NR3C2: variants seen among roughly 807,000 people sequenced by gnomAD.
NR3C2 encodes the protein mineralocorticoid receptor.
Under a neutral mutation model 86.4 loss-of-function variants are expected in NR3C2, and 15 were observed. The observed-to-expected ratio is 0.17, with a 90% CI of 0.12 to 0.27. The LOEUF (loss-of-function observed/expected upper bound fraction) is 0.27. NR3C2 is among the 10% of genes least tolerant of loss of function. The pLI is 1.00. For synonymous variants in NR3C2, 458 were observed against 450.5 expected, an observed-to-expected ratio of 1.02 and a Z score of -0.21; for missense variants, 960 against 1,195.6, an observed-to-expected ratio of 0.80 and a Z score of 2.91.
intron 2 of NR3C2, among the ~76,000 whole-genome samples, chr4:148,338,668 G>A (rs1313453811): frequency 6.6e-6 from 1 of 152,120 alleles, no homozygotes; most frequent in Non-Finnish European, 1.5e-5. Context: ...ATAGGGAATG[G>A]GGTGAATGCA....
chr4:148,202,262 CCCA>C, intron 3 of NR3C2, among the ~76,000 whole-genome samples: 1 of 152,210 alleles, frequency 6.6e-6, no homozygotes, highest in East Asian at 1.9e-4. Flanking sequence ...AACACCTCTG[CCCA>C]CCCTTGATCT....
intron 7 of NR3C2, among the ~76,000 whole-genome samples, chr4:148,115,465 T>G (rs542484786): frequency 6.6e-6 from 1 of 152,228 alleles, no homozygotes; most frequent in Non-Finnish European, 1.5e-5. Context: ...GATATTAACA[T>G]TCTGATTTTG....
At chr4:148,175,238 A>G (rs771280347) in intron 4 of NR3C2, among the ~76,000 whole-genome samples, 7 of 152,226 alleles carry the variant, frequency 4.6e-5, no homozygotes. Flanking sequence ...TTCTTATCCT[A>G]AGAAGAATGC....
At chr4:148,228,190 C>A in intron 3 of NR3C2, among the ~76,000 whole-genome samples, 1 of 152,156 alleles carries the variant, frequency 6.6e-6, no homozygotes, top group East Asian at 1.9e-4. Flanking sequence ...TAGCTCCTGG[C>A]TGATCTTCCC....
intron 4 of NR3C2, among the ~76,000 whole-genome samples, chr4:148,161,607 T>C (rs1326659701): frequency 6.6e-6 from 1 of 152,166 alleles, no homozygotes; most frequent in Non-Finnish European, 1.5e-5. Flanking sequence ...CCGTCTGCCT[T>C]GGCCTCATAT....
chr4:148,306,743 G>T (rs535888091), intron 2 of NR3C2, among the ~76,000 whole-genome samples: 5 of 152,160 alleles, frequency 3.3e-5, no homozygotes, highest in African/African-American at 1.2e-4. Flanking sequence ...CTAACAGATG[G>T]TTTCCAAACA....
At chr4:148,299,399 T>C (rs577828250) in intron 2 of NR3C2, among the ~76,000 whole-genome samples, 2 of 152,290 alleles carry the variant, frequency 1.3e-5, no homozygotes, top group African/African-American at 4.8e-5. Context: ...ATGTCGGCCT[T>C]GGTCCAACCC....
At chr4:148,103,730 G>A (rs928377285) in intron 8 of NR3C2, among the ~76,000 whole-genome samples, 1 of 152,160 alleles carries the variant, frequency 6.6e-6, no homozygotes. Context: ...GATTGATGCT[G>A]CCCTTAAACC....
rs369443114 is a variant in NR3C2 at position 148,289,965 on chromosome 4, T to C, written c.1758-29848A>G. ...GAGCATGCTTGAAGAAAAGGATCCT[T>C]CTGCAGGGAAGCCTTGAGTGACTTA... On this transcript the variant is annotated intron_variant, in intron 2 of 8. Coordinates refer to ENST00000358102, the MANE Select transcript of NR3C2 (RefSeq NM_000901.5). Among the ~76,000 whole-genome samples the C allele has an allele frequency of 8.5e-5, 13 of 152,226 alleles. No homozygotes were observed. The East Asian group carries it at 2.3e-3, about 27-fold the overall frequency.
intron 3 of NR3C2, among the ~76,000 whole-genome samples, chr4:148,241,060 C>T (rs1739006893): frequency 6.6e-6 from 1 of 152,014 alleles, no homozygotes. Flanking sequence ...AATCCCAACG[C>T]TTTGGGAGGC....
intron 2 of NR3C2, among the ~76,000 whole-genome samples, chr4:148,321,701 C>A (rs1437830479): frequency 6.6e-6 from 1 of 151,752 alleles, no homozygotes; most frequent in Admixed American, 6.6e-5. Context: ...GGATTGCAAC[C>A]CCTGCCTTTT....
At chr4:148,122,038 C>T (rs981078129) in intron 6 of NR3C2, among the ~76,000 whole-genome samples, 1 of 152,102 alleles carries the variant, frequency 6.6e-6, no homozygotes, top group Non-Finnish European at 1.5e-5. Flanking sequence ...TGAGCGTGCC[C>T]TTACTTCACA....
chr4:148,186,779 C>T lies in NR3C2; in HGVS notation c.2014+7967G>A, dbSNP rs1357953534. Among the ~76,000 whole-genome samples, 4 of 150,884 alleles carry T rather than the reference C, an allele frequency of 2.7e-5. No individual in the cohort carries two copies. The South Asian group carries it at 8.5e-4, about 32-fold the overall frequency. On this transcript the variant is annotated intron_variant, in intron 4 of 8. Transcript: ENST00000358102. ...CCTTACCCCCCTCCCACTCTTCCCC[C>T]CAAGTCCCCAGAGTCCAGTGTATCA...
chr4:148,317,523 A>T lies in NR3C2; in HGVS notation c.1758-57406T>A, dbSNP rs373161505. ...TTGTACCTATTTTGAACAACTTATA[A>T]AAAGGTCAGAAGCTACATTAAAAAA... On this transcript the variant is annotated intron_variant, in intron 2 of 8. Transcript: ENST00000358102. Among the ~76,000 whole-genome samples the T allele has an allele frequency of 7.6e-4, 116 of 152,238 alleles. 1 individual carries two copies. In the East Asian group the frequency reaches 0.013, roughly 17 times the overall value.
At chr4:148,123,821 A>G (rs1010359794) in intron 6 of NR3C2, among the ~76,000 whole-genome samples, 7 of 152,212 alleles carry the variant, frequency 4.6e-5, no homozygotes, top group Admixed American at 6.5e-5. Context: ...CACACACTCC[A>G]GGTCTGCTTA....
chr4:148,136,112 A>G (rs1200564482), intron 6 of NR3C2, among the ~76,000 whole-genome samples: 2 of 150,812 alleles, frequency 1.3e-5, no homozygotes, highest in East Asian at 3.9e-4. Flanking sequence ...CAACAAAAAA[A>G]ACAAACAAAA....
chr4:148,125,821 T>C (rs986672265), intron 6 of NR3C2, among the ~76,000 whole-genome samples: 1 of 152,236 alleles, frequency 6.6e-6, no homozygotes, highest in African/African-American at 2.4e-5. Context: ...AGTTAAAGGC[T>C]ATGAAAACAT....
intron 4 of NR3C2, among the ~76,000 whole-genome samples, chr4:148,163,397 T>A (rs1305011512): frequency 6.6e-6 from 1 of 152,324 alleles, no homozygotes; most frequent in East Asian, 1.9e-4. Flanking sequence ...TCTCTCTGGC[T>A]CATACTTTTC....
At chr4:148,394,412 A>AC (rs1183480098) in intron 2 of NR3C2, among the ~76,000 whole-genome samples, 2 of 151,962 alleles carry the variant, frequency 1.3e-5, no homozygotes, top group Non-Finnish European at 2.9e-5. Context: ...AGGCATGGTA[A>AC]CTCATGCCTA....
Sources: gnomAD v4.1 joint callset for allele counts (sites outside exome capture counted in the v4.1 genomes callset) on GRCh38, gnomAD v4.1.1 for gene constraint, MANE v1.5 for transcripts, NCBI Gene and HGNC (gene_info 2026-07-23, HGNC 2026-07-21) for gene names.